The following SNX29 variants were observed in gnomAD, a reference collection of about 807,000 sequenced individuals.
The protein encoded by SNX29 is sorting nexin-29.
Under a neutral mutation model 102.1 loss-of-function variants are expected in SNX29, and 78 were observed. The ratio of observed to expected loss-of-function variants is 0.76; its 90% CI spans 0.64 to 0.92. The LOEUF is 0.92. SNX29 is among the 40% of genes least tolerant of loss of function. The probability of loss-of-function intolerance (pLI) is 0.00; values close to 1 mark genes in which losing one functional copy is unlikely to be tolerated. For missense variants in SNX29, 1,280 were observed against 1,061.7 expected, an observed-to-expected ratio of 1.21 and a Z score of -2.86; for synonymous variants, 580 against 414.5, an observed-to-expected ratio of 1.40 and a Z score of -4.85.
chr16:12,511,955 T>C (rs1417226638), intron 19 of SNX29, among the ~76,000 whole-genome samples: 1 of 151,986 alleles, frequency 6.6e-6, no homozygotes, highest in Non-Finnish European at 1.5e-5. Flanking sequence ...AGCGACTCGG[T>C]TCACAGTAGC....
intron 20 of SNX29, among the ~76,000 whole-genome samples, chr16:12,553,389 A>G (rs2078113276): frequency 6.6e-6 from 1 of 152,164 alleles, no homozygotes; most frequent in Non-Finnish European, 1.5e-5. Flanking sequence ...CAAGTTGAAC[A>G]TATAAGTAGT....
chr16:12,273,037 G>T (rs974885663), intron 14 of SNX29, among the ~76,000 whole-genome samples: 1 of 152,154 alleles, frequency 6.6e-6, no homozygotes, highest in Non-Finnish European at 1.5e-5. Context: ...CAGCTGTGAA[G>T]TGCATGATCG....
At chr16:12,475,317 C>A (rs2087539100) in intron 18 of SNX29, among the ~76,000 whole-genome samples, 1 of 152,194 alleles carries the variant, frequency 6.6e-6, no homozygotes, top group Admixed American at 6.5e-5. Flanking sequence ...GAAAGGACTA[C>A]CTTCTCCACA....
At chr16:12,512,297 G>A (rs746391105) in intron 19 of SNX29, among the ~76,000 whole-genome samples, 1 of 147,614 alleles carries the variant, frequency 6.8e-6, no homozygotes, top group East Asian at 2.0e-4. Context: ...GATGGTGAGG[G>A]CCCTTGAGTG....
At chr16:12,256,144 A>G (rs867318664) in intron 14 of SNX29, among the ~76,000 whole-genome samples, 4 of 152,238 alleles carry the variant, frequency 2.6e-5, no homozygotes, top group Admixed American at 6.5e-5. Context: ...GCAGCTGGTC[A>G]TACACCTGTT....
chr16:12,391,112 C>G (rs1004521537), intron 16 of SNX29, among the ~76,000 whole-genome samples: 1 of 151,998 alleles, frequency 6.6e-6, no homozygotes. Flanking sequence ...CACCCAGCTA[C>G]TTTTTAAATA....
At chr16:12,565,704 G>T (rs1393827688) in intron 20 of SNX29, among the ~76,000 whole-genome samples, 1 of 151,636 alleles carries the variant, frequency 6.6e-6, no homozygotes, top group Non-Finnish European at 1.5e-5. Context: ...AGGGGAAGCA[G>T]CTGGGCCGGG....
chr16:12,444,280 CCTAGCAT>C (rs1396343049), intron 18 of SNX29, among the ~76,000 whole-genome samples: 893 of 22,780 alleles, frequency 0.039, 5 homozygotes, highest in South Asian at 0.19. Flanking sequence ...CAGTATAGCA[CCTAGCAT>C]GTAGTAAGCA....
rs574992685 is a variant in SNX29, at chr16:12,030,335, T to A, written c.247+2891T>A. On this transcript the variant is annotated intron_variant, in intron 4 of 20. Transcript: ENST00000566228. ...GTCTCATGAATGTCTCTATTTGGCG[T>A]ACAGCACGGGCTTGTCAGTCTCCAA... is the stretch of plus-strand genomic sequence containing the variant. Among the ~76,000 whole-genome samples, 17 of 152,348 alleles carry A rather than the reference T, an allele frequency of 1.1e-4. No homozygotes were observed. In the South Asian group the frequency reaches 3.5e-3, roughly 32 times the overall value.
At chr16:12,556,509 G>T (rs371127570) in intron 20 of SNX29, 2 of 152,448 alleles carry the variant, frequency 1.3e-5, no homozygotes. Context: ...CAGTCCCCGT[G>T]TTGCCAGAGG....
At chr16:12,117,053 C>T (rs557084603) in intron 11 of SNX29, among the ~76,000 whole-genome samples, 188 of 133,840 alleles carry the variant, frequency 1.4e-3, no homozygotes, top group African/African-American at 4.4e-3. Context: ...GTGTTCAATA[C>T]GTGCTTCAAT....
intron 13 of SNX29, among the ~76,000 whole-genome samples, chr16:12,147,609 G>A (rs1444407907): frequency 6.6e-6 from 1 of 152,172 alleles, no homozygotes; most frequent in Admixed American, 6.5e-5. Context: ...TCCGAGAAAT[G>A]GTTGGAATGA....
chr16:12,529,515 G>C, intron 20 of SNX29, among the ~76,000 whole-genome samples: 1 of 152,162 alleles, frequency 6.6e-6, no homozygotes, highest in East Asian at 1.9e-4. Context: ...TATTAAAATG[G>C]TTTTCTGCAG....
intron 14 of SNX29, among the ~76,000 whole-genome samples, chr16:12,270,507 A>C (rs1247718305): frequency 6.6e-6 from 1 of 152,158 alleles, no homozygotes; most frequent in Admixed American, 6.5e-5. Flanking sequence ...ACTTAGCCTC[A>C]TGGGATGAAT....
rs559041364 is a variant in SNX29, at chr16:12,127,927, A to T, written c.1466+1231A>T. Reference sequence around the variant, plus strand: ...CCTGAACTTCTGCAAGCATGATTCAACTGCCTCCCTGGGACGTGGGGAGAG... The same window carrying T: ...CCTGAACTTCTGCAAGCATGATTCATCTGCCTCCCTGGGACGTGGGGAGAG... On this transcript the variant is annotated intron_variant, in intron 12 of 20. Coordinates refer to ENST00000566228, the MANE Select transcript of SNX29 (RefSeq NM_032167.5). 9.5e-4 allele frequency among the ~76,000 whole-genome samples: 144 copies of T among 152,222 alleles called. 1 individual carries two copies. Among genetic ancestry groups the T allele is most frequent in the Middle Eastern group, 6.8e-3 (2 of 294 alleles).
In SNX29 at chr16:12,129,680, G is replaced by T; in HGVS notation, c.1517G>T (p.Arg506Leu). 1 of 1,611,108 alleles carries T rather than the reference G, an allele frequency of 6.2e-7. No homozygotes were observed. Among genetic ancestry groups the T allele is most frequent in the Non-Finnish European group, 8.5e-7 (1 of 1,179,548 alleles). ...GAGATGGAGCACTCAGCCGCGCTCC[G>T]GCAAGAGGTGGACACCTTGAAAAGG... is the stretch of plus-strand genomic sequence containing the variant. Reference protein sequence around the residue: ...DGEMEHSAALRQEVDTLKRKV... With the variant: ...DGEMEHSAALLQEVDTLKRKV... Residue 506 changes from arginine to leucine, a missense_variant, in exon 13 of 21, where the codon CGG becomes CTG. Coordinates refer to ENST00000566228, the MANE Select transcript of SNX29 (RefSeq NM_032167.5).
chr16:12,310,620 C>T (rs1250475032), intron 15 of SNX29, among the ~76,000 whole-genome samples: 3 of 152,150 alleles, frequency 2.0e-5, no homozygotes, highest in African/African-American at 7.2e-5. Context: ...AGATCACTGG[C>T]GTCTGGCGAC....
intron 11 of SNX29, among the ~76,000 whole-genome samples, chr16:12,105,774 C>T (rs773632040): frequency 8.5e-5 from 13 of 152,160 alleles, no homozygotes; most frequent in African/African-American, 2.7e-4. Flanking sequence ...GGTCCTGCTG[C>T]ACAGGTGAGC....
At chr16:12,228,683 A>G (rs2077686891) in intron 14 of SNX29, among the ~76,000 whole-genome samples, 3 of 152,034 alleles carry the variant, frequency 2.0e-5, no homozygotes, top group Non-Finnish European at 4.4e-5. Flanking sequence ...TCCCCAACCT[A>G]TGCTGTTCTC....
Sources: gnomAD v4.1 joint callset for allele counts (sites outside exome capture counted in the v4.1 genomes callset) on GRCh38, gnomAD v4.1.1 for gene constraint, MANE v1.5 for transcripts, NCBI Gene and HGNC (gene_info 2026-07-23, HGNC 2026-07-21) for gene names.